The following OSBP2 variants were observed in gnomAD, a reference collection of about 807,000 sequenced individuals.
OSBP2 encodes the protein oxysterol-binding protein 2.
A neutral mutation model predicts 96.0 loss-of-function variants in OSBP2; 66 were observed. That is an observed-to-expected ratio of 0.69 (90% CI 0.56 to 0.84). OSBP2 has a LOEUF of 0.84. Ranked by LOEUF, OSBP2 falls within the 40% of genes least tolerant of loss-of-function variation. OSBP2 has a pLI of 0.00. For synonymous variants in OSBP2, 525 were observed against 520.9 expected (o/e 1.01, Z -0.11); for missense variants, 1,038 against 1,222.7 (o/e 0.85, Z 2.25).
chr22:30,892,334 C>A (rs987602022), intron 8 of OSBP2, among the ~76,000 whole-genome samples: 1 of 152,060 alleles, frequency 6.6e-6, no homozygotes, highest in African/African-American at 2.4e-5. Flanking sequence ...GCCAGCTAAC[C>A]CATCTCCTGG....
intron 2 of OSBP2, among the ~76,000 whole-genome samples, chr22:30,778,280 G>A (rs1466406237): frequency 1.4e-5 from 2 of 144,628 alleles, no homozygotes; most frequent in East Asian, 4.1e-4. Context: ...TTTGGGACCT[G>A]CTCATACTGC....
At position 30,870,297 on chromosome 22, in the gene OSBP2, A is replaced by G; in HGVS notation, c.854-132A>G. 1.1e-6 allele frequency: 1 copy of G among 951,726 alleles called. No individual in the cohort carries two copies. Among genetic ancestry groups the G allele is most frequent in the African/African-American group, 1.6e-5 (1 of 61,332 alleles). 59.0% of individuals were successfully genotyped at this position (951,726 alleles called of 1,614,324 possible). A position where few individuals can be genotyped will look rare whatever the true frequency, so the allele number is the denominator to read the frequency against. ...GCACCTCACCCCGGCCAGGAACAGG[A>G]ACGGGCACCATCTCGGGGACTGATG... On this transcript the variant is annotated intron_variant, in intron 2 of 13. Transcript: ENST00000332585. The surrounding 1 kb of genome is among the most constrained non-coding windows in gnomAD (Gnocchi z 4.1).
rs2089765902 is a variant in OSBP2 at position 30,730,811 on chromosome 22, T to TTTATTA, written c.645-10348_645-10347insATTATT. Among the ~76,000 whole-genome samples the TTTATTA allele has an allele frequency of 4.9e-4, 34 of 69,560 alleles. 2 individuals carry two copies. Among genetic ancestry groups the TTTATTA allele is most frequent in the African/African-American group, 2.3e-3 (32 of 13,678 alleles). The allele number at this position is 69,560 out of a possible 152,430, so 45.6% of individuals were successfully genotyped here. On this transcript the variant is annotated intron_variant, in intron 1 of 13. Transcript: ENST00000332585. ...ATATATATATATATATATATATAAT[T>TTTATTA]TTTTTTTTTTTTCCCATGGACATTT...
chr22:30,755,634 G>A (rs2090131058), intron 2 of OSBP2, among the ~76,000 whole-genome samples: 1 of 152,096 alleles, frequency 6.6e-6, no homozygotes, highest in Admixed American at 6.5e-5. Flanking sequence ...GAGTCAACCA[G>A]GGCTGGCTTG....
rs12166445 is a variant in OSBP2, at chr22:30,829,349, G to A, written c.854-41080G>A. On this transcript the variant is annotated intron_variant, in intron 2 of 13. Coordinates refer to ENST00000332585, the MANE Select transcript of OSBP2 (RefSeq NM_030758.4). Reference sequence around the variant, plus strand: ...CTGGAGTCTTCCAGGCTGCAGTGCCGTGGTGCAATCTCGGCTCACTGCAAC... The same window carrying A: ...CTGGAGTCTTCCAGGCTGCAGTGCCATGGTGCAATCTCGGCTCACTGCAAC... Among the ~76,000 whole-genome samples, 1,474 of 152,236 alleles carry A rather than the reference G, an allele frequency of 9.7e-3. 19 individuals are homozygous for A. The highest frequency in any genetic ancestry group is 0.031 in the African/African-American group (1,273 of 41,536).
intron 1 of OSBP2, among the ~76,000 whole-genome samples, chr22:30,701,344 CTT>C (rs1228654999): frequency 4.7e-5 from 6 of 127,944 alleles, no homozygotes; most frequent in African/African-American, 2.8e-5. Flanking sequence ...TTTTTCTTTT[CTT>C]TTTTTTTTTT....
intron 12 of OSBP2, among the ~76,000 whole-genome samples, chr22:30,895,358 A>G (rs1175142794): frequency 6.6e-6 from 1 of 152,234 alleles, no homozygotes; most frequent in Non-Finnish European, 1.5e-5. Flanking sequence ...AAGGGCCTAT[A>G]GCGTGCTGAA....
chr22:30,734,093 G>A (rs1040462406), intron 1 of OSBP2, among the ~76,000 whole-genome samples: 1 of 152,166 alleles, frequency 6.6e-6, no homozygotes, highest in Admixed American at 6.5e-5. Context: ...TCCTGCCTCA[G>A]CCTCCTGAGT....
chr22:30,723,141 A>G (rs1291617913), intron 1 of OSBP2, among the ~76,000 whole-genome samples: 4 of 150,388 alleles, frequency 2.7e-5, no homozygotes, highest in Admixed American at 2.7e-4. Context: ...ATATATATTT[A>G]TTTATTTTTT....
At chr22:30,903,443 CCAAAGGGA>C in intron 12 of OSBP2, among the ~76,000 whole-genome samples, 1 of 152,200 alleles carries the variant, frequency 6.6e-6, no homozygotes, top group Non-Finnish European at 1.5e-5. Flanking sequence ...AGTGGACTGT[CCAAAGGGA>C]TAGGCTCACA....
intron 2 of OSBP2, among the ~76,000 whole-genome samples, chr22:30,813,629 G>A (rs2091041393): frequency 6.6e-6 from 1 of 151,998 alleles, no homozygotes; most frequent in Admixed American, 6.6e-5. Context: ...AGTGATTACA[G>A]GAATCACAGG....
intron 3 of OSBP2, among the ~76,000 whole-genome samples, chr22:30,876,878 T>A (rs1179520248): frequency 6.6e-6 from 1 of 152,194 alleles, no homozygotes; most frequent in Non-Finnish European, 1.5e-5. Flanking sequence ...ACTACACTGC[T>A]GCATTATGGT....
At chr22:30,878,949 G>A (rs1430346825) in intron 3 of OSBP2, among the ~76,000 whole-genome samples, 1 of 152,210 alleles carries the variant, frequency 6.6e-6, no homozygotes, top group African/African-American at 2.4e-5. Context: ...GCACCAGATA[G>A]AGTGGGCACT....
chr22:30,697,357 CA>C (rs1426853313), intron 1 of OSBP2, among the ~76,000 whole-genome samples: 1 of 152,148 alleles, frequency 6.6e-6, no homozygotes, highest in African/African-American at 2.4e-5. Context: ...CGGTTCACTG[CA>C]ACCTCCGCCT....
upstream of OSBP2, chr22:30,694,256 C>CGTA (rs1364589045): frequency 1.4e-5 from 22 of 1,549,732 alleles, no homozygotes; most frequent in Admixed American, 9.8e-5. Flanking sequence ...TGGCATGAAC[C>CGTA]GTAGGCCAGC....
chr22:30,813,866 G>A (rs1445615926), intron 2 of OSBP2, among the ~76,000 whole-genome samples: 2 of 151,346 alleles, frequency 1.3e-5, no homozygotes, highest in African/African-American at 2.4e-5. Flanking sequence ...GCAATGGCAT[G>A]ATCTCAGCTC....
intron 2 of OSBP2, among the ~76,000 whole-genome samples, chr22:30,783,785 T>C (rs919806722): frequency 6.6e-6 from 1 of 152,216 alleles, no homozygotes; most frequent in Non-Finnish European, 1.5e-5. Context: ...GACACCTTGA[T>C]GCAAATGTGC....
At chr22:30,869,804 G>A (rs909196578) in intron 2 of OSBP2, among the ~76,000 whole-genome samples, 3 of 152,220 alleles carry the variant, frequency 2.0e-5, no homozygotes, top group African/African-American at 7.2e-5. Flanking sequence ...CAAAGGGGTG[G>A]GTGGGGCAGG....
chr22:30,836,742 A>G (rs960758282), intron 2 of OSBP2, among the ~76,000 whole-genome samples: 3 of 152,192 alleles, frequency 2.0e-5, no homozygotes, highest in African/African-American at 7.2e-5. Context: ...GTCAGCAGAC[A>G]CAGCAGGCAA....
Sources: gnomAD v4.1 joint callset for allele counts (sites outside exome capture counted in the v4.1 genomes callset) on GRCh38, gnomAD v4.1.1 for gene constraint, Gnocchi (gnomAD v3.1) non-coding constraint, MANE v1.5 for transcripts, NCBI Gene and HGNC (gene_info 2026-07-23, HGNC 2026-07-21) for gene names.